Variants in KIF2A observed in about 807,000 individuals in gnomAD.
KIF2A encodes kinesin family member 2A.
KIF2A carries 22 observed loss-of-function variants against 100.2 expected under a neutral mutation model. The ratio of observed to expected loss-of-function variants is 0.22; its 90% CI spans 0.16 to 0.31. KIF2A has a LOEUF of 0.31. Ranked by LOEUF, KIF2A falls within the 10% of genes least tolerant of loss-of-function variation. The pLI is 1.00. For missense variants in KIF2A, 495 were observed against 898.7 expected (o/e 0.55, Z 5.74); for synonymous variants, 268 against 285.9 (o/e 0.94, Z 0.63).
chr5:62,389,074 G>T lies in KIF2A; in HGVS notation c.*3505G>T. Reference sequence around the variant, plus strand: ...CAATCTGAAAAAAGAAATCAAAATGGAATGGTACTGAAAAGCTAATTTGTA... The same window carrying T: ...CAATCTGAAAAAAGAAATCAAAATGTAATGGTACTGAAAAGCTAATTTGTA... On this transcript the variant is annotated 3_prime_UTR_variant, in exon 21 of 21. Transcript: ENST00000407818. The T allele has an allele frequency of 6.2e-7, 1 of 1,605,518 alleles. No individual in the cohort carries two copies. The highest frequency in any genetic ancestry group is 8.5e-7 in the Non-Finnish European group (1 of 1,174,402).
At position 62,350,109 on chromosome 5, in the gene KIF2A, G is replaced by A. The variant is rs1204558128; in HGVS notation, c.323G>A (p.Arg108Lys). 2.5e-6 allele frequency: 4 copies of A among 1,577,872 alleles called. No homozygotes were observed. The highest frequency in any genetic ancestry group is 1.8e-5 in the Admixed American group (1 of 54,720). ...VASIKNDPPS[R>K]DNRVVGSARA... ...TCTATTAAGAATGACCCTCCTTCAA[G>A]AGATAATAGAGGTAAAGTAAAAATT... is the stretch of plus-strand genomic sequence containing the variant. Residue 108 changes from arginine (R) to lysine (K), a missense_variant, in exon 4 of 21, where the codon AGA (arginine) becomes AAA (lysine). Transcript: ENST00000407818.
Position 62,315,641 on chromosome 5 carries a change from G to C in KIF2A, c.64+9105G>C, listed in dbSNP as rs187944758. On this transcript the variant is annotated intron_variant, in intron 1 of 20. Transcript: ENST00000407818. ...CAGGCAGAGGGAGGATGATGAAGAAGATAAGGGAGGAGGGGTAATCTGGGG... is the reference window on the plus strand; with the variant it reads ...CAGGCAGAGGGAGGATGATGAAGAACATAAGGGAGGAGGGGTAATCTGGGG... Among the ~76,000 whole-genome samples the C allele has an allele frequency of 4.6e-3, 707 of 152,296 alleles. 6 individuals are homozygous for C. Among genetic ancestry groups the C allele is most frequent in the Non-Finnish European group, 6.6e-3 (452 of 68,008 alleles).
Position 62,388,845 on chromosome 5 carries a change from A to G in KIF2A, c.*3276A>G. The G allele has an allele frequency of 1.5e-6, 1 of 662,674 alleles. No homozygotes were observed. 41.0% of individuals were successfully genotyped at this position (662,674 alleles called of 1,614,324 possible). A position where few individuals can be genotyped will look rare whatever the true frequency, so the allele number is the denominator to read the frequency against. On this transcript the variant is annotated 3_prime_UTR_variant, in exon 21 of 21. Transcript: ENST00000407818. ...AAAACTTTGATACTTAGAACTTTCCAACTTTAAAATTCAGAATCATAAATG... is the reference window on the plus strand; with the variant it reads ...AAAACTTTGATACTTAGAACTTTCCGACTTTAAAATTCAGAATCATAAATG...
intron 4 of KIF2A, among the ~76,000 whole-genome samples, chr5:62,352,357 T>C (rs779725839): frequency 1.3e-5 from 2 of 152,098 alleles, no homozygotes; most frequent in Non-Finnish European, 1.5e-5. Context: ...ATTACATTGG[T>C]GAAAGCTAAG....
At chr5:62,309,653 A>G (rs1420454307) in intron 1 of KIF2A, among the ~76,000 whole-genome samples, 1 of 152,210 alleles carries the variant, frequency 6.6e-6, no homozygotes, top group Non-Finnish European at 1.5e-5. Context: ...TGAGTAAAGA[A>G]GGGCTGCTTC....
At position 62,375,680 on chromosome 5, in the gene KIF2A, C is replaced by T. The variant is rs76372807; in HGVS notation, c.1911+1843C>T. Among the ~76,000 whole-genome samples the T allele has an allele frequency of 9.5e-3, 1,441 of 152,302 alleles. 6 individuals carry two copies. Among genetic ancestry groups the T allele is most frequent in the Non-Finnish European group, 0.016 (1,066 of 68,020 alleles). ...ACTTACTACTTTTTGTTACCATGTT[C>T]CAAATCACTGTTACTAAAGCAGGGC... On this transcript the variant is annotated intron_variant, in intron 18 of 20. Transcript: ENST00000407818.
chr5:62,385,435 T>C (rs1171670593), intron 20 of KIF2A, 49 bp from the exon 21 acceptor site: 16 of 1,307,494 alleles, frequency 1.2e-5, no homozygotes, highest in Non-Finnish European at 1.7e-5. Flanking sequence ...TGTAAACTCT[T>C]ACTGCGTGTA....
At chr5:62,377,560 C>T in intron 18 of KIF2A, 101 bp from the exon 19 acceptor site, 1 of 588,170 alleles carries the variant, frequency 1.7e-6, no homozygotes, top group Non-Finnish European at 2.8e-6. Flanking sequence ...ATTCAAGCCT[C>T]TTCAATTTCT....
At position 62,353,253 on chromosome 5, in the gene KIF2A, A is replaced by G. The variant is rs753474693; in HGVS notation, c.458-22A>G. 4.3e-5 allele frequency: 60 copies of G among 1,380,472 alleles called. 1 individual carries two copies. Among genetic ancestry groups the G allele is most frequent in the South Asian group, 3.7e-4 (26 of 70,382 alleles). 85.5% of individuals were successfully genotyped at this position (1,380,472 alleles called of 1,614,324 possible). A position where few individuals can be genotyped will look rare whatever the true frequency, so the allele number is the denominator to read the frequency against. ...CTCTAAAAAAGAAAACTATACTTCT[A>G]CAGCTCATCTTTTCTTTTCAGCACG... On this transcript the variant is annotated intron_variant, in intron 5 of 20. Coordinates refer to ENST00000407818, the MANE Select transcript of KIF2A (RefSeq NM_001098511.3).
intron 1 of KIF2A, among the ~76,000 whole-genome samples, chr5:62,344,996 A>G (rs1005634943): frequency 6.6e-6 from 1 of 152,244 alleles, no homozygotes; most frequent in African/African-American, 2.4e-5. Flanking sequence ...CTGTAGTCCC[A>G]GCACTTATGG....
chr5:62,332,797 G>T (rs1443454254), intron 1 of KIF2A, among the ~76,000 whole-genome samples: 3 of 152,166 alleles, frequency 2.0e-5, no homozygotes, highest in Admixed American at 2.0e-4. Context: ...AATACAATGA[G>T]ATTAACAAAT....
At chr5:62,344,535 G>GAAT (rs1747459428) in intron 1 of KIF2A, among the ~76,000 whole-genome samples, 1 of 152,120 alleles carries the variant, frequency 6.6e-6, no homozygotes, top group Non-Finnish European at 1.5e-5. Flanking sequence ...GGGTGTGGAG[G>GAAT]AATAGGTCCC....
At chr5:62,322,417 T>G (rs1272195886) in intron 1 of KIF2A, among the ~76,000 whole-genome samples, 1 of 152,248 alleles carries the variant, frequency 6.6e-6, no homozygotes, top group African/African-American at 2.4e-5. Context: ...TTGTTGCTTT[T>G]GCTTTTGTTA....
intron 1 of KIF2A, among the ~76,000 whole-genome samples, chr5:62,331,600 A>AT: frequency 6.6e-6 from 1 of 152,194 alleles, no homozygotes; most frequent in South Asian, 2.1e-4. Context: ...AAGAAAAAAA[A>AT]CAAAATTATA....
rs569409954 is a variant in KIF2A, at chr5:62,347,996, G to A, written c.160-52G>A. Reference sequence around the variant, plus strand: ...CATCAATTTACTTGAAAAGTAAAAGGTTAATTGTCAAAATATACTCTCAAA... The same window carrying A: ...CATCAATTTACTTGAAAAGTAAAAGATTAATTGTCAAAATATACTCTCAAA... On this transcript the variant is annotated intron_variant, in intron 2 of 20. Coordinates refer to ENST00000407818, the MANE Select transcript of KIF2A (RefSeq NM_001098511.3). The A allele has an allele frequency of 3.1e-5, 49 of 1,570,116 alleles. No individual in the cohort carries two copies. In the Admixed American group the frequency reaches 4.2e-4, roughly 13 times the overall value.
intron 7 of KIF2A, among the ~76,000 whole-genome samples, chr5:62,355,889 C>T (rs1355446840): frequency 6.6e-6 from 1 of 150,606 alleles, no homozygotes; most frequent in Non-Finnish European, 1.5e-5. Context: ...TCAAGCGATT[C>T]TCCTGTCTCA....
At chr5:62,363,119 C>T (rs542737530) in intron 12 of KIF2A, 59 bp from the exon 13 acceptor site, 927 of 1,411,808 alleles carry the variant, frequency 6.6e-4, no homozygotes, top group Non-Finnish European at 8.5e-4. Flanking sequence ...TGAGCCATTG[C>T]ACCTAGCCTG....
intron 1 of KIF2A, among the ~76,000 whole-genome samples, chr5:62,333,660 C>A (rs758806253): frequency 1.3e-5 from 2 of 152,210 alleles, no homozygotes; most frequent in Admixed American, 6.5e-5. Flanking sequence ...TCTGCCAACA[C>A]CCTACCACAC....
At chr5:62,383,729 A>G (rs1426392414) in intron 20 of KIF2A, among the ~76,000 whole-genome samples, 1 of 152,180 alleles carries the variant, frequency 6.6e-6, no homozygotes, top group Non-Finnish European at 1.5e-5. Flanking sequence ...TCTAATCTGC[A>G]ATAATTCACA....
Sources: allele counts gnomAD v4.1 joint callset (sites outside exome capture counted in the v4.1 genomes callset), GRCh38; gene constraint gnomAD v4.1.1; transcripts MANE v1.5; gene names NCBI Gene and HGNC (gene_info 2026-07-23, HGNC 2026-07-21).